Variants in CXCL13 observed in about 807,000 individuals in gnomAD.
CXCL13 encodes the protein C-X-C motif chemokine 13.
CXCL13 carries 7 observed loss-of-function variants against 12.2 expected under a neutral mutation model. That is an observed-to-expected ratio of 0.57 (90% CI 0.33 to 1.07). The LOEUF is 1.07. Ranked by LOEUF, CXCL13 falls within the 50% of genes least tolerant of loss-of-function variation. The probability of loss-of-function intolerance (pLI) is 0.04; values close to 1 mark genes in which losing one functional copy is unlikely to be tolerated. For synonymous variants in CXCL13, 47 were observed against 42.4 expected (o/e 1.11, Z -0.42); for missense variants, 113 against 127.4 (o/e 0.89, Z 0.55).
At chr4:77,515,353 G>T (rs1178203706) in intron 1 of CXCL13, among the ~76,000 whole-genome samples, 7 of 152,058 alleles carry the variant, frequency 4.6e-5, no homozygotes, top group Non-Finnish European at 7.4e-5. Flanking sequence ...GAAAGTCATT[G>T]GTAGCTTGAT....
At chr4:77,525,917 T>G (rs534386039) in intron 1 of CXCL13, among the ~76,000 whole-genome samples, 1,870 of 134,950 alleles carry the variant, frequency 0.014, 17 homozygotes, top group East Asian at 0.043. Flanking sequence ...AAATTGTGGG[T>G]TTGTTTTTTT....
intron 1 of CXCL13, among the ~76,000 whole-genome samples, chr4:77,530,397 A>G (rs1189497535): frequency 6.6e-6 from 1 of 152,126 alleles, no homozygotes; most frequent in Non-Finnish European, 1.5e-5. Context: ...CTGTGAATCC[A>G]TCTGGTCCTG....
intron 1 of CXCL13, among the ~76,000 whole-genome samples, chr4:77,600,499 C>T (rs1281130568): frequency 1.3e-5 from 2 of 151,672 alleles, no homozygotes; most frequent in Non-Finnish European, 1.5e-5. Context: ...AAATATATGC[C>T]GAATGAGAAA....
At chr4:77,562,442 C>T (rs1578055139) in intron 1 of CXCL13, among the ~76,000 whole-genome samples, 1 of 151,994 alleles carries the variant, frequency 6.6e-6, no homozygotes, top group African/African-American at 2.4e-5. Flanking sequence ...TTATGTCTAG[C>T]TAAGGGATTG....
intron 1 of CXCL13, 23 bp downstream of exon 1, chr4:77,605,952 C>A: frequency 6.5e-7 from 1 of 1,546,444 alleles, no homozygotes; most frequent in South Asian, 1.2e-5. Context: ...ATTTACATTT[C>A]ACTGTTTGTT....
intron 1 of CXCL13, among the ~76,000 whole-genome samples, chr4:77,513,655 T>C (rs1724328261): frequency 6.6e-6 from 1 of 152,088 alleles, no homozygotes; most frequent in African/African-American, 2.4e-5. Context: ...GGTTTTACCA[T>C]GTTAGCCAGG....
chr4:77,540,647 T>C (rs1193391682), intron 1 of CXCL13, among the ~76,000 whole-genome samples: 2 of 152,190 alleles, frequency 1.3e-5, no homozygotes, highest in South Asian at 2.1e-4. Flanking sequence ...ATATATACCA[T>C]ATTTTCTTCA....
At chr4:77,515,489 G>A (rs1479824708) in intron 1 of CXCL13, among the ~76,000 whole-genome samples, 2 of 152,158 alleles carry the variant, frequency 1.3e-5, no homozygotes, top group Non-Finnish European at 2.9e-5. Context: ...TCATTGAGCA[G>A]TGGTTTGTAG....
intron 1 of CXCL13, among the ~76,000 whole-genome samples, chr4:77,580,588 G>A (rs1726305305): frequency 6.6e-6 from 1 of 151,772 alleles, no homozygotes; most frequent in South Asian, 2.1e-4. Context: ...GCCCCTCAAA[G>A]TGCTGGGATT....
chr4:77,582,753 A>G (rs1443128915), intron 1 of CXCL13, among the ~76,000 whole-genome samples: 1 of 152,212 alleles, frequency 6.6e-6, no homozygotes, highest in Non-Finnish European at 1.5e-5. Context: ...CTGCTGCAAT[A>G]TGAAGAATTG....
intron 1 of CXCL13, among the ~76,000 whole-genome samples, chr4:77,565,777 G>A (rs1054968749): frequency 2.6e-5 from 4 of 152,154 alleles, no homozygotes; most frequent in African/African-American, 9.7e-5. Context: ...TGTTACAGAG[G>A]CAATAGGAAG....
chr4:77,511,867 T>C (rs1724281995), intron 1 of CXCL13: 1 of 152,216 alleles, frequency 6.6e-6, no homozygotes, highest in African/African-American at 2.4e-5. Flanking sequence ...TCATTCTTTT[T>C]GAACTGGGGC....
chr4:77,528,225 G>A (rs1176602606), intron 1 of CXCL13, among the ~76,000 whole-genome samples: 3 of 152,106 alleles, frequency 2.0e-5, no homozygotes, highest in African/African-American at 4.8e-5. Context: ...TGTGAATAGT[G>A]CCGCAATAAA....
chr4:77,517,947 G>A (rs1477260693), intron 1 of CXCL13, among the ~76,000 whole-genome samples: 2 of 152,254 alleles, frequency 1.3e-5, no homozygotes, highest in South Asian at 4.1e-4. Flanking sequence ...GGCTGGTACC[G>A]GTTGTTCCTT....
intron 1 of CXCL13, among the ~76,000 whole-genome samples, chr4:77,579,135 C>T (rs1166751036): frequency 3.3e-5 from 5 of 152,230 alleles, no homozygotes; most frequent in Admixed American, 3.3e-4. Flanking sequence ...GAAGAGCTGC[C>T]ATCAGCTGTG....
At chr4:77,557,979 G>T (rs1395864123) in intron 1 of CXCL13, among the ~76,000 whole-genome samples, 8 of 152,134 alleles carry the variant, frequency 5.3e-5, no homozygotes, top group Non-Finnish European at 8.8e-5. Flanking sequence ...GCCATCTTAG[G>T]GGTGTGTTTG....
At chr4:77,519,019 C>T (rs928542876) in intron 1 of CXCL13, among the ~76,000 whole-genome samples, 7 of 152,050 alleles carry the variant, frequency 4.6e-5, no homozygotes, top group African/African-American at 1.7e-4. Flanking sequence ...CAGAGAGGAC[C>T]CTCAGCTGCA....
At chr4:77,534,057 A>G (rs902546243) in intron 1 of CXCL13, among the ~76,000 whole-genome samples, 11 of 152,100 alleles carry the variant, frequency 7.2e-5, no homozygotes, top group African/African-American at 2.7e-4. Context: ...CCACTTTCCG[A>G]CACTCCCCAG....
intron 1 of CXCL13, among the ~76,000 whole-genome samples, chr4:77,583,329 G>A (rs1255517872): frequency 6.6e-6 from 1 of 152,168 alleles, no homozygotes; most frequent in Non-Finnish European, 1.5e-5. Flanking sequence ...AAATCCCTGA[G>A]TGATGCCTTC....
Sources: gnomAD v4.1 joint callset for allele counts (sites outside exome capture counted in the v4.1 genomes callset) on GRCh38, gnomAD v4.1.1 for gene constraint, MANE v1.5 for transcripts, NCBI Gene and HGNC (gene_info 2026-07-23, HGNC 2026-07-21) for gene names.